UXS1: variants seen among roughly 807,000 people sequenced by gnomAD.
UXS1 encodes the protein UDP-glucuronate decarboxylase 1, also known as UDP-glucuronic acid decarboxylase 1.
Under a neutral mutation model 62.6 loss-of-function variants are expected in UXS1, and 33 were observed. The observed-to-expected ratio is 0.53, with a 90% CI of 0.40 to 0.70. The LOEUF is 0.70. Among genes scored for constraint, UXS1 ranks in the 30% least tolerant of loss-of-function variants. The pLI is 0.00. For synonymous variants in UXS1, 213 were observed against 206.8 expected (o/e 1.03, Z -0.26); for missense variants, 434 against 556.3 (o/e 0.78, Z 2.21).
chr2:106,118,406 G>A (rs1347370651), intron 9 of UXS1, among the ~76,000 whole-genome samples: 1 of 150,846 alleles, frequency 6.6e-6, no homozygotes, highest in African/African-American at 2.4e-5. Context: ...TTGTTTTGCA[G>A]ATCCAGCCCA....
At chr2:106,180,540 T>C (rs1421596052) in intron 1 of UXS1, among the ~76,000 whole-genome samples, 1 of 152,200 alleles carries the variant, frequency 6.6e-6, no homozygotes, top group African/African-American at 2.4e-5. Flanking sequence ...TAAGATACAC[T>C]ATCTGCACAT....
At chr2:106,131,058 G>A (rs1288105349) in intron 6 of UXS1, among the ~76,000 whole-genome samples, 3 of 150,270 alleles carry the variant, frequency 2.0e-5, no homozygotes, top group South Asian at 2.1e-4. Context: ...CGCACCGTGC[G>A]CGAGCCGAAG....
At chr2:106,125,873 A>G (rs1679898197) in intron 7 of UXS1, among the ~76,000 whole-genome samples, 194 bp from the exon 8 acceptor site, 1 of 152,242 alleles carries the variant, frequency 6.6e-6, no homozygotes, top group Non-Finnish European at 1.5e-5. Flanking sequence ...GGATTCTCAG[A>G]AGGCCAGTAT....
intron 1 of UXS1, among the ~76,000 whole-genome samples, chr2:106,190,076 T>A (rs1684816785): frequency 6.6e-6 from 1 of 152,172 alleles, no homozygotes; most frequent in African/African-American, 2.4e-5. Context: ...GGCATCCTGA[T>A]GCTCATGAAC....
At chr2:106,182,872 C>T (rs1684331590) in intron 1 of UXS1, among the ~76,000 whole-genome samples, 2 of 152,124 alleles carry the variant, frequency 1.3e-5, no homozygotes, top group African/African-American at 4.8e-5. Context: ...GGGCAGAGAG[C>T]GCTTCCGTTG....
chr2:106,098,636 C>T, intron 13 of UXS1, 80 bp downstream of exon 13: 3 of 1,176,158 alleles, frequency 2.6e-6, no homozygotes, highest in Non-Finnish European at 1.2e-6. Context: ...GTATTAATTA[C>T]CCACTTTCTA....
At chr2:106,136,355 G>C (rs1394196600) in intron 6 of UXS1, among the ~76,000 whole-genome samples, 6 of 148,934 alleles carry the variant, frequency 4.0e-5, no homozygotes, top group African/African-American at 7.5e-5. Context: ...TCAGTGTGGC[G>C]ATTCCTCAGG....
chr2:106,183,240 T>TTA (rs1447206184), intron 1 of UXS1, among the ~76,000 whole-genome samples: 2 of 135,954 alleles, frequency 1.5e-5, no homozygotes, highest in African/African-American at 2.7e-5. Flanking sequence ...AAGTCTTTTT[T>TTA]AAAAAAAAAA....
At chr2:106,129,619 A>G in intron 7 of UXS1, 55 bp downstream of exon 7, 1 of 1,371,202 alleles carries the variant, frequency 7.3e-7, no homozygotes, top group Non-Finnish European at 1.0e-6. Flanking sequence ...CTATGCTTGT[A>G]ATCATCTAAA....
intron 7 of UXS1, among the ~76,000 whole-genome samples, chr2:106,127,462 G>T (rs1412655635): frequency 1.3e-5 from 2 of 152,164 alleles, no homozygotes; most frequent in Non-Finnish European, 2.9e-5. Context: ...TAAAGATTTT[G>T]AAACTAAGAC....
chr2:106,155,331 C>T (rs1266093330), intron 5 of UXS1, among the ~76,000 whole-genome samples: 1 of 152,154 alleles, frequency 6.6e-6, no homozygotes, highest in African/African-American at 2.4e-5. Flanking sequence ...GCTAGCAGAC[C>T]TACCACACAA....
intron 6 of UXS1, among the ~76,000 whole-genome samples, chr2:106,137,703 G>A (rs1558712177): frequency 6.6e-6 from 1 of 152,036 alleles, no homozygotes; most frequent in Non-Finnish European, 1.5e-5. Flanking sequence ...GGTGAGGCAG[G>A]AGAATCACTT....
intron 9 of UXS1, among the ~76,000 whole-genome samples, chr2:106,114,145 C>G (rs1678873304): frequency 6.6e-6 from 1 of 152,174 alleles, no homozygotes; most frequent in African/African-American, 2.4e-5. Flanking sequence ...CGGCCCACAG[C>G]AGGCTTGTCA....
chr2:106,116,215 G>A (rs537717355), intron 9 of UXS1, among the ~76,000 whole-genome samples: 2 of 152,280 alleles, frequency 1.3e-5, no homozygotes, highest in South Asian at 2.1e-4. Flanking sequence ...GGATTACACG[G>A]TGTACAGAGC....
intron 7 of UXS1, among the ~76,000 whole-genome samples, chr2:106,128,482 T>C (rs900993470): frequency 3.3e-5 from 5 of 152,242 alleles, no homozygotes; most frequent in South Asian, 2.1e-4. Context: ...GTAGAACACA[T>C]GGCCCTCCCC....
At chr2:106,149,345 G>A (rs903276159) in intron 5 of UXS1, among the ~76,000 whole-genome samples, 2 of 152,142 alleles carry the variant, frequency 1.3e-5, no homozygotes, top group East Asian at 3.9e-4. Context: ...TGCTTTTAAC[G>A]TGTCCACCAA....
At chr2:106,115,543 A>G (rs2104896494) in intron 9 of UXS1, among the ~76,000 whole-genome samples, 1 of 152,320 alleles carries the variant, frequency 6.6e-6, no homozygotes, top group African/African-American at 2.4e-5. Context: ...AAGCATCAGG[A>G]AGGTCAAGAC....
At position 106,107,823 on chromosome 2, in the gene UXS1, G is replaced by A. The variant is rs566106682; in HGVS notation, c.880-2986C>T. Among the ~76,000 whole-genome samples the A allele has an allele frequency of 2.6e-5, 4 of 152,304 alleles. No individual in the cohort carries two copies. In the East Asian group the frequency reaches 7.7e-4, roughly 29 times the overall value. ...GCACCGACACAAGGTTCATCTGCAGGCACCACGGTCACCGGGTAAGCTATG... is the reference window on the plus strand; with the variant it reads ...GCACCGACACAAGGTTCATCTGCAGACACCACGGTCACCGGGTAAGCTATG... On this transcript the variant is annotated intron_variant, in intron 10 of 14. Transcript: ENST00000283148.
At chr2:106,136,993 C>T (rs1014623920) in intron 6 of UXS1, among the ~76,000 whole-genome samples, 3 of 120,770 alleles carry the variant, frequency 2.5e-5, no homozygotes, top group African/African-American at 6.3e-5. Context: ...AAAAGAAAGC[C>T]AAGTCTGAAA....
Sources: gnomAD v4.1 joint callset for allele counts (sites outside exome capture counted in the v4.1 genomes callset) on GRCh38, gnomAD v4.1.1 for gene constraint, MANE v1.5 for transcripts, NCBI Gene and HGNC (gene_info 2026-07-23, HGNC 2026-07-21) for gene names.